The following FMN2 variants were observed in gnomAD, a reference collection of about 807,000 sequenced individuals.
FMN2 encodes formin 2, also known as formin-2.
FMN2 carries 51 observed loss-of-function variants against 142.3 expected under a neutral mutation model. That is an observed-to-expected ratio of 0.36 (90% confidence interval 0.29 to 0.45). The LOEUF (loss-of-function observed/expected upper bound fraction) is 0.45. Among genes scored for constraint, FMN2 ranks in the 20% least tolerant of loss-of-function variants. FMN2 has a pLI of 1.00. For synonymous variants in FMN2, 882 were observed against 869.8 expected, an observed-to-expected ratio of 1.01 and a Z score of -0.25; for missense variants, 1,936 against 2,122.8, an observed-to-expected ratio of 0.91 and a Z score of 1.73.
At chr1:240,237,498 CCCTT>C (rs1667750344) in intron 6 of FMN2, among the ~76,000 whole-genome samples, 1 of 152,170 alleles carries the variant, frequency 6.6e-6, no homozygotes, top group Non-Finnish European at 1.5e-5. Flanking sequence ...CAGTATCTTT[CCCTT>C]CTCTGGATTT....
intron 2 of FMN2, among the ~76,000 whole-genome samples, chr1:240,161,588 T>A (rs1281894998): frequency 6.6e-6 from 1 of 151,934 alleles, no homozygotes; most frequent in African/African-American, 2.4e-5. Context: ...CAAGACTTAT[T>A]ATAATGCAAC....
chr1:240,108,797 A>AG (rs1266295664), intron 1 of FMN2, among the ~76,000 whole-genome samples: 5 of 152,198 alleles, frequency 3.3e-5, no homozygotes, highest in African/African-American at 1.2e-4. Context: ...GCACTTTGGG[A>AG]GGCCGAGGCA....
intron 7 of FMN2, among the ~76,000 whole-genome samples, chr1:240,286,697 G>T (rs1433504711): frequency 6.7e-6 from 1 of 149,956 alleles, no homozygotes; most frequent in Non-Finnish European, 1.5e-5. Flanking sequence ...TGTACTTCCT[G>T]TGCCATCTTA....
intron 2 of FMN2, among the ~76,000 whole-genome samples, chr1:240,161,193 C>A (rs183539133): frequency 6.6e-6 from 1 of 152,044 alleles, no homozygotes; most frequent in East Asian, 1.9e-4. Context: ...TGCGTGAATG[C>A]GTGCTTGTGT....
chr1:240,425,954 T>C (rs575556521), intron 15 of FMN2, among the ~76,000 whole-genome samples: 1 of 152,310 alleles, frequency 6.6e-6, no homozygotes, highest in Admixed American at 6.5e-5. Context: ...CTTCTAAGAC[T>C]ACAACAGAGT....
intron 6 of FMN2, among the ~76,000 whole-genome samples, chr1:240,220,938 ACT>A (rs1216505132): frequency 6.6e-6 from 1 of 151,036 alleles, no homozygotes; most frequent in East Asian, 2.0e-4. Context: ...TCATTGTTCA[ACT>A]CTCACTTATG....
At chr1:240,140,184 G>A (rs1264466210) in intron 2 of FMN2, among the ~76,000 whole-genome samples, 1 of 151,988 alleles carries the variant, frequency 6.6e-6, no homozygotes, top group Non-Finnish European at 1.5e-5. Context: ...CAGTTTGCAG[G>A]TCATTGTCAG....
rs1490924442 is a variant in FMN2 at position 240,154,675 on chromosome 1, GAGA to G, written c.1783-23240_1783-23238del. 3 of 152,304 alleles carry G rather than the reference GAGA, an allele frequency of 2.0e-5. No homozygotes were observed. In the East Asian group the frequency reaches 5.8e-4, roughly 29 times the overall value. 9.4% of individuals were successfully genotyped at this position (152,304 alleles called of 1,614,324 possible). ...TTAAAGGCTAGTCAAGTGTAGTAGT[GAGA>G]AGAAGGAAAGAGTAGAACAAGGAAT... On this transcript the variant is annotated intron_variant, in intron 2 of 17. Transcript: ENST00000319653.
chr1:240,220,104 G>A (rs1367272075), intron 6 of FMN2, among the ~76,000 whole-genome samples: 1 of 152,164 alleles, frequency 6.6e-6, no homozygotes, highest in Non-Finnish European at 1.5e-5. Context: ...GAGGAACTTG[G>A]TGAATCCTCT....
chr1:240,153,260 A>T (rs886984537), intron 2 of FMN2, among the ~76,000 whole-genome samples: 2 of 152,048 alleles, frequency 1.3e-5, no homozygotes, highest in African/African-American at 2.4e-5. Flanking sequence ...TAGATGCTAG[A>T]GCCATTTTAT....
intron 15 of FMN2, among the ~76,000 whole-genome samples, chr1:240,396,208 A>G (rs1363607384): frequency 1.3e-5 from 2 of 152,172 alleles, no homozygotes; most frequent in African/African-American, 4.8e-5. Flanking sequence ...TTTTATATGC[A>G]CTAGGAAACC....
At chr1:240,436,323 C>T (rs571259906) in intron 15 of FMN2, among the ~76,000 whole-genome samples, 1 of 152,318 alleles carries the variant, frequency 6.6e-6, no homozygotes, top group East Asian at 1.9e-4. Context: ...GTCTTGTCGT[C>T]TCTGCCTAGA....
chr1:240,388,780 T>A (rs1220460386), intron 14 of FMN2, among the ~76,000 whole-genome samples: 1 of 149,444 alleles, frequency 6.7e-6, no homozygotes, highest in Non-Finnish European at 1.5e-5. Flanking sequence ...GAGAATCACT[T>A]GAACCTGGGA....
chr1:240,118,335 TG>T, intron 1 of FMN2, among the ~76,000 whole-genome samples: 1 of 152,174 alleles, frequency 6.6e-6, no homozygotes, highest in East Asian at 1.9e-4. Flanking sequence ...AGACAGGGGC[TG>T]GGGGAAAGTT....
chr1:240,209,343 C>T (rs1054661741), intron 5 of FMN2, among the ~76,000 whole-genome samples: 2 of 151,458 alleles, frequency 1.3e-5, no homozygotes, highest in East Asian at 2.0e-4. Flanking sequence ...CTCCGCCTCC[C>T]GGGTTCACCC....
intron 2 of FMN2, among the ~76,000 whole-genome samples, chr1:240,145,592 A>G (rs1286221450): frequency 8.4e-6 from 1 of 119,656 alleles, no homozygotes; most frequent in Non-Finnish European, 1.6e-5. Flanking sequence ...CCCAGGCTGG[A>G]GTACAATGGT....
At chr1:240,198,682 T>A (rs1370296341) in intron 4 of FMN2, among the ~76,000 whole-genome samples, 2 of 152,198 alleles carry the variant, frequency 1.3e-5, no homozygotes, top group Non-Finnish European at 2.9e-5. Flanking sequence ...ATTGCTTGTA[T>A]TTTAGTTTTG....
chr1:240,357,842 T>A (rs956445355), intron 14 of FMN2, among the ~76,000 whole-genome samples: 18 of 152,160 alleles, frequency 1.2e-4, no homozygotes, highest in Admixed American at 1.1e-3. Flanking sequence ...CTCCTGAGCT[T>A]GTGATCCAGC....
chr1:240,207,731 A>G lies in FMN2; in HGVS notation c.2919A>G (p.Ala973=), dbSNP rs140720010. 8,220 of 1,118,162 alleles carry G rather than the reference A, an allele frequency of 7.4e-3. 94 individuals carry two copies. Among genetic ancestry groups the G allele is most frequent in the African/African-American group, 0.032 (1,376 of 43,446 alleles). The allele number at this position is 1,118,162 out of a possible 1,614,324, so 69.3% of individuals were successfully genotyped here. A position where few individuals can be genotyped will look rare whatever the true frequency, so the allele number is the denominator to read the frequency against. The change falls in exon 5 of 18, where the codon GCA becomes GCG. Residue 973 remains alanine (A), a synonymous_variant. Transcript: ENST00000319653. ...GIPLPPPLPG[A]GIPPPPPLPG... ...CCCTTCCTCCCCCTCTTCCCGGAGC[A>G]GGAATACCTCCTCCACCCCCTCTAC...
Sources: allele counts gnomAD v4.1 joint callset (sites outside exome capture counted in the v4.1 genomes callset), GRCh38; gene constraint gnomAD v4.1.1; transcripts MANE v1.5; gene names NCBI Gene and HGNC (gene_info 2026-07-23, HGNC 2026-07-21).